The following ROBO2 variants were observed in gnomAD, a reference collection of about 807,000 sequenced individuals.
The protein encoded by ROBO2 is roundabout homolog 2.
ROBO2 carries 53 observed loss-of-function variants against 160.8 expected under a neutral mutation model. That is an observed-to-expected ratio of 0.33 (90% CI 0.26 to 0.41). ROBO2 has a LOEUF of 0.41. ROBO2 is among the 10% of genes least tolerant of loss of function. The probability of loss-of-function intolerance (pLI) is 1.00; values close to 1 mark genes in which losing one functional copy is unlikely to be tolerated. For synonymous variants in ROBO2, 664 were observed against 611.7 expected (o/e 1.09, Z -1.26); for missense variants, 1,577 against 1,722.4 (o/e 0.92, Z 1.49).
chr3:75,986,040 T>C (rs904729091), intron 2 of ROBO2, among the ~76,000 whole-genome samples: 1 of 151,636 alleles, frequency 6.6e-6, no homozygotes, highest in Admixed American at 6.6e-5. Context: ...TTGCTTTAAA[T>C]TCTCTTGGGT....
intron 2 of ROBO2, among the ~76,000 whole-genome samples, chr3:76,529,763 T>A (rs1048382376): frequency 1.3e-5 from 2 of 152,188 alleles, no homozygotes; most frequent in Non-Finnish European, 2.9e-5. Context: ...TTCAGTTAAA[T>A]CCGTCCGTTC....
chr3:75,965,891 A>T (rs1158032205), intron 2 of ROBO2, among the ~76,000 whole-genome samples: 2 of 151,748 alleles, frequency 1.3e-5, no homozygotes, highest in African/African-American at 2.4e-5. Flanking sequence ...AAAGTATCTT[A>T]ATCTATCCAA....
chr3:76,921,866 G>C (rs1312229858), intron 2 of ROBO2, among the ~76,000 whole-genome samples: 1 of 152,108 alleles, frequency 6.6e-6, no homozygotes, highest in Non-Finnish European at 1.5e-5. Context: ...ATGTGAGCTT[G>C]TATAATTATC....
At chr3:77,350,108 T>A (rs899913690) in intron 2 of ROBO2, among the ~76,000 whole-genome samples, 2 of 151,042 alleles carry the variant, frequency 1.3e-5, no homozygotes, top group Non-Finnish European at 2.9e-5. Flanking sequence ...CATATATATA[T>A]AATATATATA....
intron 2 of ROBO2, among the ~76,000 whole-genome samples, chr3:76,619,031 A>C (rs930975276): frequency 4.7e-4 from 72 of 151,692 alleles, no homozygotes; most frequent in Non-Finnish European, 3.7e-4. Flanking sequence ...TAAAAGAGAG[A>C]GTGAGAGAAA....
intron 22 of ROBO2, chr3:77,618,090 A>T (rs2153703280): frequency 2.8e-6 from 1 of 351,604 alleles, no homozygotes; most frequent in African/African-American, 2.1e-5. Context: ...CTACACCAGA[A>T]TCTTTTCTAA....
chr3:76,473,094 C>A (rs1684307626), intron 2 of ROBO2, among the ~76,000 whole-genome samples: 1 of 152,108 alleles, frequency 6.6e-6, no homozygotes, highest in Non-Finnish European at 1.5e-5. Flanking sequence ...GCAATTTGTT[C>A]TAAAGGAGTA....
At chr3:77,359,564 G>A (rs905124184) in intron 2 of ROBO2, among the ~76,000 whole-genome samples, 43 of 152,148 alleles carry the variant, frequency 2.8e-4, no homozygotes, top group Non-Finnish European at 5.1e-4. Context: ...ACCATTACCT[G>A]TGAGTCTGAG....
rs2080967772 is a variant in ROBO2 at position 77,450,072 on chromosome 3, GC to G, written c.389-27341del. ...TAAAGTAATAACATGTGTGCCAGAAGCTTTTGTTTGTCCATATGAGAAATAG... is the reference window on the plus strand; with the variant it reads ...TAAAGTAATAACATGTGTGCCAGAAGTTTTGTTTGTCCATATGAGAAATAG... On this transcript the variant is annotated intron_variant, in intron 2 of 25. Transcript: ENST00000461745. Among the ~76,000 whole-genome samples the G allele has an allele frequency of 2.0e-5, 3 of 152,110 alleles. No homozygotes were observed. In the South Asian group the frequency reaches 6.2e-4, roughly 32 times the overall value.
At chr3:77,601,579 C>T (rs371610384) in intron 19 of ROBO2, among the ~76,000 whole-genome samples, 16 of 152,042 alleles carry the variant, frequency 1.1e-4, no homozygotes, top group East Asian at 7.7e-4. Flanking sequence ...TTAAACTCAC[C>T]GATCACTGAG....
intron 1 of ROBO2, among the ~76,000 whole-genome samples, chr3:77,093,590 A>G (rs1007871247): frequency 2.0e-5 from 3 of 152,126 alleles, no homozygotes; most frequent in African/African-American, 7.2e-5. Flanking sequence ...ACACAGTTTT[A>G]AAGATTCCAA....
Position 77,458,272 on chromosome 3 carries a change from T to A in ROBO2, c.389-19142T>A, listed in dbSNP as rs558053835. Among the ~76,000 whole-genome samples, 47 of 152,308 alleles carry A rather than the reference T, an allele frequency of 3.1e-4. No individual in the cohort carries two copies. In the South Asian group the frequency reaches 5.0e-3, roughly 16 times the overall value. On this transcript the variant is annotated intron_variant, in intron 2 of 25. Coordinates refer to ENST00000461745, the Ensembl canonical transcript of ROBO2. ...ATAGCTGAAGACGCAAGATTCTGTT[T>A]GTACTTGCAATTGCAGAAAATATAA...
intron 2 of ROBO2, among the ~76,000 whole-genome samples, chr3:76,912,903 C>G (rs1559693236): frequency 1.3e-5 from 2 of 151,880 alleles, no homozygotes; most frequent in South Asian, 4.2e-4. Flanking sequence ...GTACAATGAT[C>G]CAATCCAGAA....
At chr3:77,067,195 T>C (rs1259966690) in intron 1 of ROBO2, among the ~76,000 whole-genome samples, 1 of 152,154 alleles carries the variant, frequency 6.6e-6, no homozygotes, top group African/African-American at 2.4e-5. Flanking sequence ...AGCTTCCCTT[T>C]GCAAAACATC....
rs979328686 is a variant in ROBO2, at chr3:77,596,766, T to C, written c.2854+16T>C. 4 of 1,611,400 alleles carry C rather than the reference T, an allele frequency of 2.5e-6. No homozygotes were observed. The highest frequency in any genetic ancestry group is 1.4e-5 in the African/African-American group (1 of 74,068). The stretch of plus-strand genomic sequence containing the variant: ...GGCCGTGGAGGTAAGTTGTGTTTTT[T>C]AAAATAGTGTTATTTGAGTTCTCTC... On this transcript the variant is annotated intron_variant, in intron 19 of 25. Transcript: ENST00000461745.
At chr3:77,257,253 C>T (rs919661950) in intron 2 of ROBO2, among the ~76,000 whole-genome samples, 6 of 152,100 alleles carry the variant, frequency 3.9e-5, no homozygotes, top group African/African-American at 9.7e-5. Flanking sequence ...GGGAAAAGAC[C>T]GGCTTTCCAG....
At chr3:77,087,321 A>G (rs2069461000) in intron 1 of ROBO2, among the ~76,000 whole-genome samples, 1 of 152,180 alleles carries the variant, frequency 6.6e-6, no homozygotes, top group African/African-American at 2.4e-5. Flanking sequence ...GCCAAATGCA[A>G]TTTCAAACCA....
chr3:77,183,447 C>T (rs2080984613), intron 2 of ROBO2, among the ~76,000 whole-genome samples: 1 of 151,702 alleles, frequency 6.6e-6, no homozygotes, highest in African/African-American at 2.4e-5. Flanking sequence ...CAGGGTGGGC[C>T]CTAGACTAAT....
intron 1 of ROBO2, among the ~76,000 whole-genome samples, chr3:77,050,289 C>A (rs2065085468): frequency 1.3e-5 from 2 of 151,882 alleles, no homozygotes; most frequent in African/African-American, 4.9e-5. Flanking sequence ...CCTTCCTCAT[C>A]TTAAGCATTT....
Sources: gnomAD v4.1 joint callset for allele counts (sites outside exome capture counted in the v4.1 genomes callset) on GRCh38, gnomAD v4.1.1 for gene constraint, MANE v1.5 for transcripts, NCBI Gene and HGNC (gene_info 2026-07-23, HGNC 2026-07-21) for gene names.